The following TPH2 variants were observed in gnomAD, a reference collection of about 807,000 sequenced individuals.
TPH2 encodes the protein tryptophan 5-hydroxylase 2.
In TPH2, 27 loss-of-function variants were observed where a neutral mutation model predicts 59.1. That is an observed-to-expected ratio of 0.46 (90% CI 0.34 to 0.63). TPH2 has a LOEUF of 0.63. TPH2 is among the 30% of genes least tolerant of loss of function. The pLI is 0.01. For synonymous variants in TPH2, 220 were observed against 210.5 expected, an observed-to-expected ratio of 1.05 and a Z score of -0.39; for missense variants, 523 against 588.3, an observed-to-expected ratio of 0.89 and a Z score of 1.15.
At chr12:72,021,044 T>C (rs1457546572) in intron 8 of TPH2, among the ~76,000 whole-genome samples, 1 of 120,108 alleles carries the variant, frequency 8.3e-6, no homozygotes, top group Non-Finnish European at 1.9e-5. Context: ...TTCTGCCCCT[T>C]TTCAGGAGTG....
At chr12:72,006,099 G>T (rs1014044163) in intron 8 of TPH2, among the ~76,000 whole-genome samples, 2 of 152,138 alleles carry the variant, frequency 1.3e-5, no homozygotes, top group Non-Finnish European at 2.9e-5. Context: ...GAGCTGTGCA[G>T]CACAGGGACC....
At chr12:71,981,630 G>T (rs1277331240) in intron 7 of TPH2, among the ~76,000 whole-genome samples, 1 of 152,124 alleles carries the variant, frequency 6.6e-6, no homozygotes, top group Non-Finnish European at 1.5e-5. Context: ...GGCCCCTAAG[G>T]TAGGGCTAAG....
chr12:72,008,958 T>G (rs531414220), intron 8 of TPH2, among the ~76,000 whole-genome samples: 76 of 152,330 alleles, frequency 5.0e-4, no homozygotes, highest in African/African-American at 1.8e-3. Flanking sequence ...CATGTGTGTG[T>G]GTGTGTATGC....
chr12:72,026,573 G>A (rs544279062), intron 9 of TPH2, among the ~76,000 whole-genome samples: 12 of 152,232 alleles, frequency 7.9e-5, no homozygotes, highest in South Asian at 4.1e-4. Context: ...GTAAGGACTC[G>A]CTGCTGCTGA....
At chr12:72,015,296 T>A (rs539950230) in intron 8 of TPH2, among the ~76,000 whole-genome samples, 5 of 150,164 alleles carry the variant, frequency 3.3e-5, no homozygotes, top group Non-Finnish European at 5.9e-5. Context: ...AGCCCTTTTA[T>A]GTGGTTTTTT....
chr12:71,974,963 A>T (rs1255278072), intron 6 of TPH2, among the ~76,000 whole-genome samples: 2 of 152,150 alleles, frequency 1.3e-5, no homozygotes, highest in Non-Finnish European at 2.9e-5. Context: ...TTTTTGTAAA[A>T]GGCCAGTTGG....
At chr12:71,968,350 G>A (rs1255903995) in intron 5 of TPH2, among the ~76,000 whole-genome samples, 1 of 152,216 alleles carries the variant, frequency 6.6e-6, no homozygotes, top group East Asian at 1.9e-4. Flanking sequence ...GAGCAGAACT[G>A]GATGGCGTGG....
chr12:72,012,587 C>G (rs1292227072), intron 8 of TPH2, among the ~76,000 whole-genome samples: 2 of 152,154 alleles, frequency 1.3e-5, no homozygotes, highest in African/African-American at 4.8e-5. Context: ...GACTTTTACT[C>G]TAGAGCAATG....
rs1346224579 is a variant in TPH2 at position 71,963,008 on chromosome 12, C to T, written c.609-9511C>T. On this transcript the variant is annotated intron_variant, in intron 5 of 10. Coordinates refer to ENST00000333850, the MANE Select transcript of TPH2 (RefSeq NM_173353.4). ...TGCCGGGATTACAGATGTGAGCCAC[C>T]GTGCCTGGCCTGAACACCTCTGCAT... 3.7e-5 allele frequency among the ~76,000 whole-genome samples: 2 copies of T among 53,434 alleles called. 1 individual carries two copies. The highest frequency in any genetic ancestry group is 1.1e-4 in the African/African-American group (2 of 18,974). The allele number at this position is 53,434 out of a possible 152,430, so 35.1% of individuals were successfully genotyped here. A position where few individuals can be genotyped will look rare whatever the true frequency, so the allele number is the denominator to read the frequency against.
intron 5 of TPH2, among the ~76,000 whole-genome samples, chr12:71,966,241 T>A (rs1358340735): frequency 2.0e-5 from 3 of 149,546 alleles, no homozygotes; most frequent in African/African-American, 5.1e-5. Flanking sequence ...TCAAAGGCCC[T>A]GTCTAAATCT....
intron 8 of TPH2, among the ~76,000 whole-genome samples, chr12:72,017,201 T>C (rs1195945925): frequency 6.6e-6 from 1 of 152,178 alleles, no homozygotes; most frequent in Non-Finnish European, 1.5e-5. Context: ...CCACTGCCCA[T>C]TTGGCTAGGC....
intron 8 of TPH2, among the ~76,000 whole-genome samples, chr12:71,996,651 C>T (rs539638907): frequency 6.6e-6 from 1 of 152,074 alleles, no homozygotes; most frequent in African/African-American, 2.4e-5. Context: ...AATGGCCAGG[C>T]TGTGTGGAGC....
At chr12:71,950,827 A>C (rs904434993) in intron 5 of TPH2, among the ~76,000 whole-genome samples, 2 of 152,128 alleles carry the variant, frequency 1.3e-5, no homozygotes, top group Non-Finnish European at 2.9e-5. Context: ...GTTTATAAAA[A>C]GGGATTTGAC....
intron 5 of TPH2, among the ~76,000 whole-genome samples, chr12:71,951,980 A>G (rs1046135446): frequency 6.6e-6 from 1 of 152,150 alleles, no homozygotes; most frequent in Non-Finnish European, 1.5e-5. Flanking sequence ...AGCCAAGACT[A>G]AGGGACTAGC....
At chr12:71,971,514 T>C (rs1871972902) in intron 5 of TPH2, among the ~76,000 whole-genome samples, 1 of 152,204 alleles carries the variant, frequency 6.6e-6, no homozygotes, top group South Asian at 2.1e-4. Flanking sequence ...CTCCTCCTTC[T>C]ACCCATCCCT....
At chr12:71,947,901 G>A (rs777683768) in intron 4 of TPH2, among the ~76,000 whole-genome samples, 5 of 152,298 alleles carry the variant, frequency 3.3e-5, no homozygotes, top group Middle Eastern at 3.4e-3. Flanking sequence ...TTATGATGCC[G>A]TTACCATGGT....
At position 72,031,992 on chromosome 12, in the gene TPH2, T is replaced by G; in HGVS notation, c.*297T>G. 2.5e-6 allele frequency: 1 copy of G among 406,020 alleles called. No individual in the cohort carries two copies. Among genetic ancestry groups the G allele is most frequent in the East Asian group, 5.4e-5 (1 of 18,654 alleles). 25.2% of individuals were successfully genotyped at this position (406,020 alleles called of 1,614,324 possible). ...GCATCTAGTTAAAATTTGTAACAAA[T>G]AGCCCTCTTATGAGTCTCATTTATG... is the stretch of plus-strand genomic sequence containing the variant. On this transcript the variant is annotated 3_prime_UTR_variant, in exon 11 of 11. Coordinates refer to ENST00000333850, the MANE Select transcript of TPH2 (RefSeq NM_173353.4).
intron 3 of TPH2, 41 bp downstream of exon 3, chr12:71,944,518 A>T: frequency 6.2e-7 from 1 of 1,613,288 alleles, no homozygotes; most frequent in Non-Finnish European, 8.5e-7. Flanking sequence ...TTGCAATCTG[A>T]CAAATATTGC....
chr12:71,962,557 T>A (rs924653730), intron 5 of TPH2: 2 of 985,180 alleles, frequency 2.0e-6, no homozygotes, highest in African/African-American at 3.5e-5. Flanking sequence ...TTTGTTACAA[T>A]CCTGAATCTT....
Sources: gnomAD v4.1 joint callset for allele counts (sites outside exome capture counted in the v4.1 genomes callset) on GRCh38, gnomAD v4.1.1 for gene constraint, MANE v1.5 for transcripts, NCBI Gene and HGNC (gene_info 2026-07-23, HGNC 2026-07-21) for gene names.